The following GRIP1 variants were observed in gnomAD, a reference collection of about 807,000 sequenced individuals.
GRIP1 encodes glutamate receptor interacting protein 1, also known as glutamate receptor-interacting protein 1.
A neutral mutation model predicts 129.9 loss-of-function variants in GRIP1; 45 were observed. That is an observed-to-expected ratio of 0.35 (90% CI 0.27 to 0.44). The LOEUF (loss-of-function observed/expected upper bound fraction) is 0.44, where lower values mean the gene tolerates loss of function less well. GRIP1 is among the 20% of genes least tolerant of loss of function. The probability of loss-of-function intolerance (pLI) is 1.00; values close to 1 mark genes in which losing one functional copy is unlikely to be tolerated. For synonymous variants in GRIP1, 530 were observed against 520.8 expected (o/e 1.02, Z -0.24); for missense variants, 1,196 against 1,396.8 (o/e 0.86, Z 2.29).
intron 1 of GRIP1, among the ~76,000 whole-genome samples, chr12:66,934,967 C>A (rs962600885): frequency 3.3e-5 from 5 of 152,210 alleles, no homozygotes; most frequent in African/African-American, 4.8e-5. Context: ...GTGACATCAA[C>A]TTTATCCTCA....
At chr12:66,728,778 G>A (rs2036336599) in intron 1 of GRIP1, among the ~76,000 whole-genome samples, 1 of 152,032 alleles carries the variant, frequency 6.6e-6, no homozygotes, top group Non-Finnish European at 1.5e-5. Context: ...GGTACACCAA[G>A]ACAAGAACTT....
chr12:66,363,587 T>C (rs548383501), intron 23 of GRIP1, among the ~76,000 whole-genome samples: 5 of 151,958 alleles, frequency 3.3e-5, no homozygotes, highest in Admixed American at 6.6e-5. Flanking sequence ...TGCCATCCTG[T>C]TATCATTCCT....
intron 1 of GRIP1, among the ~76,000 whole-genome samples, chr12:67,014,203 G>T (rs910325991): frequency 3.3e-5 from 5 of 152,144 alleles, no homozygotes; most frequent in African/African-American, 1.2e-4. Flanking sequence ...GTTTGTATTA[G>T]ATTTTATATT....
At chr12:66,712,364 G>A (rs2035738722) in intron 1 of GRIP1, among the ~76,000 whole-genome samples, 1 of 151,876 alleles carries the variant, frequency 6.6e-6, no homozygotes, top group African/African-American at 2.4e-5. Flanking sequence ...AACAAGTTAG[G>A]ATGTATATAT....
chr12:67,046,536 C>A (rs1399040387), intron 1 of GRIP1, among the ~76,000 whole-genome samples: 1 of 152,094 alleles, frequency 6.6e-6, no homozygotes, highest in East Asian at 1.9e-4. Flanking sequence ...ATAATAATAA[C>A]CTCTGATATA....
chr12:66,723,632 A>G (rs2036165914), intron 1 of GRIP1, among the ~76,000 whole-genome samples: 1 of 152,050 alleles, frequency 6.6e-6, no homozygotes, highest in Admixed American at 6.6e-5. Flanking sequence ...TTTTGGCTTG[A>G]GAATGCAAAC....
At chr12:66,786,888 T>C (rs2038364615) in intron 1 of GRIP1, among the ~76,000 whole-genome samples, 1 of 152,170 alleles carries the variant, frequency 6.6e-6, no homozygotes, top group African/African-American at 2.4e-5. Context: ...TTAAGAACCA[T>C]GTAATAATTC....
chr12:66,865,391 A>G (rs2137131600), intron 1 of GRIP1, among the ~76,000 whole-genome samples: 1 of 152,244 alleles, frequency 6.6e-6, no homozygotes, highest in African/African-American at 2.4e-5. Context: ...TTTTCTTTAG[A>G]CAATGAGGAA....
chr12:66,523,702 C>A (rs1031920070), intron 5 of GRIP1, among the ~76,000 whole-genome samples: 19 of 151,832 alleles, frequency 1.3e-4, no homozygotes, highest in African/African-American at 4.6e-4. Context: ...TGTAAATGGG[C>A]TAAAAGCTCC....
intron 1 of GRIP1, among the ~76,000 whole-genome samples, chr12:66,833,541 A>C (rs1333535333): frequency 6.6e-6 from 1 of 152,148 alleles, no homozygotes; most frequent in African/African-American, 2.4e-5. Flanking sequence ...CACTGGATCC[A>C]AGTATCTACC....
At chr12:66,712,511 A>G (rs531888710) in intron 1 of GRIP1, among the ~76,000 whole-genome samples, 1 of 152,120 alleles carries the variant, frequency 6.6e-6, no homozygotes, top group African/African-American at 2.4e-5. Context: ...TATAGATTTT[A>G]GTGAATCTCA....
intron 1 of GRIP1, among the ~76,000 whole-genome samples, chr12:66,904,514 A>G (rs1440888851): frequency 1.3e-5 from 2 of 152,224 alleles, no homozygotes; most frequent in Non-Finnish European, 2.9e-5. Flanking sequence ...GACTGTGTCT[A>G]AAAGACATAT....
At position 66,517,857 on chromosome 12, in the gene GRIP1, T is replaced by C. The variant is rs750396108; in HGVS notation, c.578+44A>G. 5.0e-6 allele frequency: 5 copies of C among 1,003,704 alleles called. No individual in the cohort carries two copies. The South Asian group carries it at 5.1e-5, about 10-fold the overall frequency. 62.2% of individuals were successfully genotyped at this position (1,003,704 alleles called of 1,614,324 possible). A position where few individuals can be genotyped will look rare whatever the true frequency, so the allele number is the denominator to read the frequency against. Reference sequence around the variant, plus strand: ...ACTTCTATGTTAAAGTCCCCAGCTTTATTTATTCTATTTTGGATAGTGACA... The same window carrying C: ...ACTTCTATGTTAAAGTCCCCAGCTTCATTTATTCTATTTTGGATAGTGACA... On this transcript the variant is annotated intron_variant, in intron 6 of 24. Coordinates refer to ENST00000359742, the MANE Select transcript of GRIP1 (RefSeq NM_001366722.1).
At chr12:66,944,527 G>C (rs1469592342) in intron 1 of GRIP1, among the ~76,000 whole-genome samples, 1 of 152,010 alleles carries the variant, frequency 6.6e-6, no homozygotes, top group Non-Finnish European at 1.5e-5. Flanking sequence ...GAAAACGTGG[G>C]GGTGGAGGGG....
rs536774143 is a variant in GRIP1, at chr12:66,720,456, G to A, written c.-420+83597C>T. 7.6e-4 allele frequency among the ~76,000 whole-genome samples: 116 copies of A among 152,130 alleles called. 2 individuals are homozygous for A. The South Asian group carries it at 0.012, about 15-fold the overall frequency. On this transcript the variant is annotated intron_variant, in intron 1 of 4. Transcript: ENST00000538373. ...ATAAGACAGTAATAAAGTTGGCTGC[G>A]TCAATTGATTCTTCCTTTCAGGAAA...
intron 1 of GRIP1, among the ~76,000 whole-genome samples, chr12:66,698,160 G>A (rs1183397858): frequency 6.6e-6 from 1 of 152,164 alleles, no homozygotes; most frequent in Non-Finnish European, 1.5e-5. Context: ...AGATATGGAG[G>A]TTCATGAGAT....
chr12:66,920,231 A>G (rs1199434944), intron 1 of GRIP1, among the ~76,000 whole-genome samples: 1 of 152,144 alleles, frequency 6.6e-6, no homozygotes, highest in Non-Finnish European at 1.5e-5. Context: ...AGCATTGTTG[A>G]GCAAGGTTCT....
intron 1 of GRIP1, among the ~76,000 whole-genome samples, chr12:66,719,641 T>C (rs1329701875): frequency 6.6e-6 from 1 of 152,138 alleles, no homozygotes; most frequent in East Asian, 1.9e-4. Flanking sequence ...AAATGAAACA[T>C]CATTAAATTT....
intron 7 of GRIP1, among the ~76,000 whole-genome samples, chr12:66,481,100 A>G (rs192416726): frequency 6.6e-6 from 1 of 152,270 alleles, no homozygotes; most frequent in Non-Finnish European, 1.5e-5. Flanking sequence ...AACAAATGGG[A>G]TCTAATTAAA....
Sources: gnomAD v4.1 joint callset for allele counts (sites outside exome capture counted in the v4.1 genomes callset) on GRCh38, gnomAD v4.1.1 for gene constraint, MANE v1.5 for transcripts, NCBI Gene and HGNC (gene_info 2026-07-23, HGNC 2026-07-21) for gene names.